BRWD1: variants seen among roughly 807,000 people sequenced by gnomAD.
BRWD1 encodes bromodomain and WD repeat domain containing 1, also known as bromodomain and WD repeat-containing protein 1.
A neutral mutation model predicts 251.2 loss-of-function variants in BRWD1; 82 were observed. The ratio of observed to expected loss-of-function variants is 0.33; its 90% CI spans 0.27 to 0.39. The LOEUF (loss-of-function observed/expected upper bound fraction) is 0.39. BRWD1 is among the 10% of genes least tolerant of loss of function. BRWD1 has a pLI of 1.00. For missense variants in BRWD1, 2,233 were observed against 2,711.6 expected, an observed-to-expected ratio of 0.82 and a Z score of 3.92; for synonymous variants, 918 against 902.8, an observed-to-expected ratio of 1.02 and a Z score of -0.30.
In BRWD1 at chr21:39,232,494, A is replaced by C. The variant is rs780240861; in HGVS notation, c.2771T>G (p.Leu924Trp). 1.9e-6 allele frequency: 3 copies of C among 1,587,376 alleles called. No individual in the cohort carries two copies. Among genetic ancestry groups the C allele is most frequent in the East Asian group, 4.5e-5 (2 of 44,642 alleles). ...AAGCTCTGCTGGAGTCATCCTCCGCAAATTCTACCAAGGGGAAGAGAACAA... is the reference window on the plus strand; with the variant it reads ...AAGCTCTGCTGGAGTCATCCTCCGCCAATTCTACCAAGGGGAAGAGAACAA... Reference protein sequence around the residue: ...KKENKPKKENLRRMTPAELAN... With the variant: ...KKENKPKKENWRRMTPAELAN... The change falls in exon 24 of 41, where the codon TTG becomes TGG. Residue 924 changes from leucine to tryptophan, a missense_variant. Physicochemically the swap from Leu to Trp is moderately conservative, Grantham distance 61 (BLOSUM62 -2). Around this residue, in one of 12 missense-constraint regions of BRWD1, gnomAD observed 214 missense variants for 222.0 expected, o/e 0.96. Transcript: ENST00000342449.
At chr21:39,279,798 A>G (rs1157136121) in intron 9 of BRWD1, among the ~76,000 whole-genome samples, 2 of 152,202 alleles carry the variant, frequency 1.3e-5, no homozygotes, top group Non-Finnish European at 2.9e-5. Context: ...ATATATGGCT[A>G]GTGACTACTG....
chr21:39,255,658 GTGGTACCTC>G lies in BRWD1; in HGVS notation c.2233_2241del (p.Glu745_Pro747del). On this transcript the variant is annotated inframe_deletion, in exon 19 of 41. Transcript: ENST00000342449. ...CCTAAAACAAACCTAAATATGCCTA[GTGGTACCTC>G]TGGTACAACCACTCTTCGTTTCCAA... 6.2e-7 allele frequency: 1 copy of G among 1,613,854 alleles called. No homozygotes were observed.
At chr21:39,294,347 T>A (rs1474686078) in intron 7 of BRWD1, among the ~76,000 whole-genome samples, 1 of 152,166 alleles carries the variant, frequency 6.6e-6, no homozygotes, top group East Asian at 1.9e-4. Context: ...CTCTCTTATA[T>A]CAACTAACAA....
At position 39,238,591 on chromosome 21, in the gene BRWD1, G is replaced by C; in HGVS notation, c.2482-18C>G. ...GAAGTCTCCTAATTTGTGAAGGGGG[G>C]AAAAAAATCTTGATCCCTGAAGTTA... On this transcript the variant is annotated intron_variant, in intron 21 of 40. Transcript: ENST00000342449. The C allele has an allele frequency of 6.4e-7, 1 of 1,569,894 alleles. No homozygotes were observed. The highest frequency in any genetic ancestry group is 1.1e-5 in the South Asian group (1 of 89,184).
At position 39,249,604 on chromosome 21, in the gene BRWD1, T is replaced by C. The variant is rs558398916; in HGVS notation, c.2349+1192A>G. Among the ~76,000 whole-genome samples the C allele has an allele frequency of 2.4e-4, 37 of 152,358 alleles. No homozygotes were observed. The South Asian group carries it at 3.7e-3, about 15-fold the overall frequency. On this transcript the variant is annotated intron_variant, in intron 20 of 40. Transcript: ENST00000342449. Reference sequence around the variant, plus strand: ...TGAGAGCACATATTCCTTACATTTATGCACAAATCAATTTTCACATGAGTG... The same window carrying C: ...TGAGAGCACATATTCCTTACATTTACGCACAAATCAATTTTCACATGAGTG...
rs1299852856 is a variant in BRWD1, at chr21:39,185,868, T to C, written c.*10391A>G. The C allele has an allele frequency of 2.0e-5, 3 of 152,218 alleles. No homozygotes were observed. The highest frequency in any genetic ancestry group is 4.4e-5 in the Non-Finnish European group (3 of 68,010). 9.4% of individuals were successfully genotyped at this position (152,218 alleles called of 1,614,324 possible). ...CTTAATTTTTCCAGTAACACGTTAC[T>C]ATGTTAAAAAGATGCGACAGTATAT... On this transcript the variant is annotated 3_prime_UTR_variant, in exon 41 of 41. Transcript: ENST00000342449.
In BRWD1 at chr21:39,224,451, A is replaced by C; in HGVS notation, c.3339T>G (p.Ile1113Met). The C allele has an allele frequency of 1.2e-6, 2 of 1,601,142 alleles. No individual in the cohort carries two copies. Among genetic ancestry groups the C allele is most frequent in the Non-Finnish European group, 1.7e-6 (2 of 1,172,384 alleles). ...CCATGTCCCATGGGCTAAGTTTTTC[A>C]ATTTCAGTATTATCCCACCTGTTAA... ...CYIVRWDNTE[I>M]EKLSPWDMEP... Residue 1113 changes from isoleucine (I) to methionine (M), a missense_variant, in exon 29 of 41, where the codon ATT (isoleucine) becomes ATG (methionine). Physicochemically the swap from Ile to Met is conservative, Grantham distance 10. Transcript: ENST00000342449.
At chr21:39,211,521 G>A (rs763322805) in intron 34 of BRWD1, among the ~76,000 whole-genome samples, 1 of 152,140 alleles carries the variant, frequency 6.6e-6, no homozygotes, top group Non-Finnish European at 1.5e-5. Flanking sequence ...TGGAGCCAAG[G>A]TGAGGACACC....
At chr21:39,220,539 C>A (rs965385977) in intron 29 of BRWD1, among the ~76,000 whole-genome samples, 1 of 152,034 alleles carries the variant, frequency 6.6e-6, no homozygotes, top group African/African-American at 2.4e-5. Flanking sequence ...ATATACAGCA[C>A]CCAACAAGGT....
At chr21:39,243,488 A>G (rs1454341120) in intron 21 of BRWD1, among the ~76,000 whole-genome samples, 2 of 152,148 alleles carry the variant, frequency 1.3e-5, no homozygotes, top group African/African-American at 4.8e-5. Flanking sequence ...TGTGTCACCC[A>G]GGCTAGAGTT....
At chr21:39,262,949 CTACTAAAAA>C (rs1296487975) in intron 17 of BRWD1, among the ~76,000 whole-genome samples, 1 of 151,954 alleles carries the variant, frequency 6.6e-6, no homozygotes, top group African/African-American at 2.4e-5. Context: ...AACCCCATCT[CTACTAAAAA>C]TACAAAAATT....
chr21:39,190,611 T>A lies in BRWD1; in HGVS notation c.*5648A>T, dbSNP rs1347784020. On this transcript the variant is annotated 3_prime_UTR_variant, in exon 41 of 41. Coordinates refer to ENST00000342449, the MANE Select transcript of BRWD1 (RefSeq NM_033656.4). ...CTGTCTGCCCTTCATTGATAAGCAA[T>A]GAAATGACCCCAAAACTCAGAAAGC... 1.0e-6 allele frequency: 1 copy of A among 985,332 alleles called. No individual in the cohort carries two copies. Among genetic ancestry groups the A allele is most frequent in the Non-Finnish European group, 1.2e-6 (1 of 829,892 alleles). The allele number at this position is 985,332 out of a possible 1,614,324, so 61.0% of individuals were successfully genotyped here. A position where few individuals can be genotyped will look rare whatever the true frequency, so the allele number is the denominator to read the frequency against.
intron 37 of BRWD1, among the ~76,000 whole-genome samples, chr21:39,205,437 A>T (rs2032341276): frequency 6.6e-6 from 1 of 152,180 alleles, no homozygotes; most frequent in South Asian, 2.1e-4. Flanking sequence ...TGATCATATC[A>T]CTAGACCCCA....
intron 29 of BRWD1, among the ~76,000 whole-genome samples, chr21:39,222,715 A>C (rs1207803286): frequency 1.3e-5 from 2 of 152,224 alleles, no homozygotes; most frequent in African/African-American, 4.8e-5. Context: ...GAAAACAAAA[A>C]ATCATTATTT....
chr21:39,313,354 G>GGCCAGGGGA, intron 1 of BRWD1, 55 bp from the exon 2 acceptor site: 4 of 1,466,334 alleles, frequency 2.7e-6, no homozygotes, highest in Non-Finnish European at 3.6e-6. Context: ...AGGGGGACGG[G>GGCCAGGGGA]GCCAGGGGAG....
chr21:39,309,546 C>T (rs138056615), intron 4 of BRWD1, among the ~76,000 whole-genome samples: 2,343 of 150,058 alleles, frequency 0.016, 59 homozygotes, highest in African/African-American at 0.054. Context: ...CCAGGGAGGC[C>T]GGGCGCGGTG....
intron 4 of BRWD1, among the ~76,000 whole-genome samples, chr21:39,312,222 T>G (rs1318403418): frequency 2.0e-5 from 3 of 152,218 alleles, no homozygotes; most frequent in African/African-American, 7.2e-5. Context: ...CACTTTATTG[T>G]GTTATCTACA....
chr21:39,188,898 AT>A lies in BRWD1; in HGVS notation c.*7360del. ...TCAGTCTCCAGGCATTGTAAATGGC[AT>A]TTTACCAGAGTAAGACACTCATCAC... is the stretch of plus-strand genomic sequence containing the variant. On this transcript the variant is annotated 3_prime_UTR_variant, in exon 41 of 41. Coordinates refer to ENST00000342449, the MANE Select transcript of BRWD1 (RefSeq NM_033656.4). The A allele has an allele frequency of 3.0e-6, 3 of 985,382 alleles. No homozygotes were observed. The highest frequency in any genetic ancestry group is 3.6e-6 in the Non-Finnish European group (3 of 829,910). The allele number at this position is 985,382 out of a possible 1,614,324, so 61.0% of individuals were successfully genotyped here. A position where few individuals can be genotyped will look rare whatever the true frequency, so the allele number is the denominator to read the frequency against.
Position 39,278,546 on chromosome 21 carries a change from T to C in BRWD1, c.1003+197A>G, listed in dbSNP as rs568640140. The C allele has an allele frequency of 2.7e-5, 14 of 524,700 alleles. No homozygotes were observed. In the South Asian group the frequency reaches 3.8e-4, roughly 14 times the overall value. 32.5% of individuals were successfully genotyped at this position (524,700 alleles called of 1,614,324 possible). On this transcript the variant is annotated intron_variant, in intron 10 of 40. Transcript: ENST00000342449. ...AGCCATCTCTTATATCACTGATTACTACCAGAAATCAGAGAAAGGCAGACT... is the reference window on the plus strand; with the variant it reads ...AGCCATCTCTTATATCACTGATTACCACCAGAAATCAGAGAAAGGCAGACT...
Sources: gnomAD v4.1 joint callset for allele counts (sites outside exome capture counted in the v4.1 genomes callset) on GRCh38, gnomAD v4.1.1 for gene constraint, gnomAD v4.1.1 regional missense constraint, MANE v1.5 for transcripts, NCBI Gene and HGNC (gene_info 2026-07-23, HGNC 2026-07-21) for gene names.